TANC2: variants seen among roughly 807,000 people sequenced by gnomAD.
TANC2 encodes the protein tetratricopeptide repeat, ankyrin repeat and coiled-coil containing 2, also known as protein TANC2.
A neutral mutation model predicts 210.5 loss-of-function variants in TANC2; 26 were observed. That is an observed-to-expected ratio of 0.12 (90% confidence interval 0.09 to 0.17). The LOEUF (loss-of-function observed/expected upper bound fraction) is 0.17. Among genes scored for constraint, TANC2 ranks in the 10% least tolerant of loss-of-function variants. The probability of loss-of-function intolerance (pLI) is 1.00; values close to 1 mark genes in which losing one functional copy is unlikely to be tolerated. For missense variants in TANC2, 2,129 were observed against 2,608.9 expected (o/e 0.82, Z 4.01); for synonymous variants, 931 against 967.1 (o/e 0.96, Z 0.69).
At chr17:62,980,114 T>C (rs951769335) in intron 1 of TANC2, among the ~76,000 whole-genome samples, 1 of 152,218 alleles carries the variant, frequency 6.6e-6, no homozygotes, top group African/African-American at 2.4e-5. Flanking sequence ...ACACCGTTTC[T>C]TTTTAACCTC....
At chr17:62,986,439 G>A (rs1464013432) in intron 1 of TANC2, among the ~76,000 whole-genome samples, 1 of 152,162 alleles carries the variant, frequency 6.6e-6, no homozygotes, top group Non-Finnish European at 1.5e-5. Flanking sequence ...TGCTGGGGGT[G>A]GCCCATGGGG....
In TANC2 at chr17:63,362,606, C is replaced by G. The variant is rs9910620; in HGVS notation, c.2582+7216C>G. ...AGCCTCCCTCCCATGCTCGTCAGCA[C>G]CCAAAGTCCAGAGGGGACTGAGGCA... On this transcript the variant is annotated intron_variant, in intron 14 of 27. Coordinates refer to ENST00000689528, the Ensembl canonical transcript of TANC2. 7.3e-3 allele frequency among the ~76,000 whole-genome samples: 1,111 copies of G among 152,358 alleles called. 15 individuals carry two copies. Among genetic ancestry groups the G allele is most frequent in the African/African-American group, 0.026 (1,069 of 41,580 alleles).
intron 7 of TANC2, among the ~76,000 whole-genome samples, chr17:63,223,696 T>C (rs1015894926): frequency 2.0e-5 from 3 of 152,148 alleles, no homozygotes; most frequent in Non-Finnish European, 4.4e-5. Context: ...CCTAGTGCGT[T>C]GCCATGGCAT....
rs190138946 is a variant in TANC2, at chr17:63,165,268, C to A, written c.433+13888C>A. On this transcript the variant is annotated intron_variant, in intron 5 of 27. Coordinates refer to ENST00000689528, the Ensembl canonical transcript of TANC2. ...CAGCCTGGGCTGTAACAGAGTGAGA[C>A]CCTATTTAAAAAAAAAAGAAAGAAA... Among the ~76,000 whole-genome samples, 11 of 131,728 alleles carry A rather than the reference C, an allele frequency of 8.4e-5. No individual in the cohort carries two copies. In the East Asian group the frequency reaches 2.2e-3, roughly 26 times the overall value. The allele number at this position is 131,728 out of a possible 152,430, so 86.4% of individuals were successfully genotyped here.
chr17:63,064,914 G>C (rs1269144696), intron 2 of TANC2, among the ~76,000 whole-genome samples: 1 of 150,938 alleles, frequency 6.6e-6, no homozygotes, highest in Non-Finnish European at 1.5e-5. Flanking sequence ...TGTACTCTCA[G>C]CAATTTAAAG....
At chr17:63,197,968 C>T (rs932225297) in intron 6 of TANC2, among the ~76,000 whole-genome samples, 1 of 152,104 alleles carries the variant, frequency 6.6e-6, no homozygotes, top group East Asian at 1.9e-4. Context: ...TTAAGCTTTG[C>T]GTTTACAGTT....
Position 63,408,693 on chromosome 17 carries a change from A to G in TANC2, c.3589+2416A>G, listed in dbSNP as rs77423094. ...TTTTCATCCTCCTGTGGGAAACCAT[A>G]GACTCTAATGACCTCCAGAGATGCA... is the stretch of plus-strand genomic sequence containing the variant. On this transcript the variant is annotated intron_variant, in intron 21 of 27. Transcript: ENST00000689528. 4.3e-3 allele frequency among the ~76,000 whole-genome samples: 657 copies of G among 152,356 alleles called. 6 individuals carry two copies. Among genetic ancestry groups the G allele is most frequent in the African/African-American group, 0.014 (572 of 41,578 alleles).
intron 1 of TANC2, among the ~76,000 whole-genome samples, chr17:63,007,428 C>G (rs2033670763): frequency 6.6e-6 from 1 of 152,058 alleles, no homozygotes; most frequent in Non-Finnish European, 1.5e-5. Context: ...TGTTTATAGT[C>G]TTCTACTAGA....
intron 5 of TANC2, among the ~76,000 whole-genome samples, chr17:63,190,533 C>A (rs1170903855): frequency 6.6e-6 from 1 of 151,962 alleles, no homozygotes; most frequent in African/African-American, 2.4e-5. Context: ...ATTTTGGGCC[C>A]CTTATATTTC....
At chr17:63,313,807 GAAAC>G (rs1305330595) in intron 9 of TANC2, among the ~76,000 whole-genome samples, 2 of 151,642 alleles carry the variant, frequency 1.3e-5, no homozygotes, top group African/African-American at 4.8e-5. Flanking sequence ...TGTTTTTAAA[GAAAC>G]AAACAAGCCT....
chr17:63,007,986 C>T (rs543373688), intron 1 of TANC2, among the ~76,000 whole-genome samples: 15 of 116,316 alleles, frequency 1.3e-4, no homozygotes, highest in African/African-American at 6.0e-4. Flanking sequence ...TGATTGGCGC[C>T]AGTTTTTTTT....
At chr17:63,206,382 T>G (rs560890268) in intron 7 of TANC2, among the ~76,000 whole-genome samples, 11 of 152,312 alleles carry the variant, frequency 7.2e-5, no homozygotes, top group Non-Finnish European at 1.5e-4. Context: ...AGGAAGGATT[T>G]GGACAGATAC....
intron 3 of TANC2, among the ~76,000 whole-genome samples, chr17:63,079,819 T>C (rs372310277): frequency 1.3e-5 from 2 of 152,232 alleles, no homozygotes; most frequent in African/African-American, 4.8e-5. Flanking sequence ...CCTTGGTCTC[T>C]GATCTGTCTC....
intron 7 of TANC2, among the ~76,000 whole-genome samples, chr17:63,201,420 C>T (rs1473762299): frequency 6.6e-6 from 1 of 152,140 alleles, no homozygotes; most frequent in Non-Finnish European, 1.5e-5. Context: ...CCCCTTTAGA[C>T]TTTGTTTTTC....
In TANC2 at chr17:63,335,441, C is replaced by T. The variant is rs144390327; in HGVS notation, c.1576-4660C>T. On this transcript the variant is annotated intron_variant, in intron 11 of 27. Transcript: ENST00000689528. ...GCCTGGCCAATATAGTGAAACCCCA[C>T]CTCTACTAAAAATACAGAAAAATTA... is the stretch of plus-strand genomic sequence containing the variant. 7.6e-3 allele frequency among the ~76,000 whole-genome samples: 1,156 copies of T among 151,914 alleles called. 15 individuals are homozygous for T. Among genetic ancestry groups the T allele is most frequent in the African/African-American group, 0.025 (1,055 of 41,462 alleles).
intron 5 of TANC2, among the ~76,000 whole-genome samples, chr17:63,155,786 T>C (rs2039815083): frequency 6.6e-6 from 1 of 152,192 alleles, no homozygotes; most frequent in Admixed American, 6.5e-5. Context: ...GAAAACAGTT[T>C]GATTACAGTT....
intron 17 of TANC2, chr17:63,393,703 T>G (rs933055153): frequency 6.6e-6 from 1 of 152,102 alleles, no homozygotes; most frequent in African/African-American, 2.4e-5. Flanking sequence ...CTGGTTCTTG[T>G]CATACTTTTG....
chr17:63,243,223 A>G lies in TANC2; in HGVS notation c.1033+5146A>G, dbSNP rs1598687875. ...GCAAGCAACACAAGGAAATGCTGCA[A>G]TTGAAATTATACATTGATGGTGGGA... On this transcript the variant is annotated intron_variant, in intron 8 of 27. Transcript: ENST00000689528. 5.3e-5 allele frequency among the ~76,000 whole-genome samples: 8 copies of G among 152,208 alleles called. No homozygotes were observed. The South Asian group carries it at 1.7e-3, about 32-fold the overall frequency.
chr17:63,397,988 A>G (rs910798422), intron 18 of TANC2, among the ~76,000 whole-genome samples: 1 of 152,214 alleles, frequency 6.6e-6, no homozygotes, highest in Non-Finnish European at 1.5e-5. Flanking sequence ...GTTAAGTAAT[A>G]TTAAATTTTA....
Sources: allele counts gnomAD v4.1 joint callset (sites outside exome capture counted in the v4.1 genomes callset), GRCh38; gene constraint gnomAD v4.1.1; transcripts MANE v1.5; gene names NCBI Gene and HGNC (gene_info 2026-07-23, HGNC 2026-07-21).